FGF1: variants seen among roughly 807,000 people sequenced by gnomAD.
The protein encoded by FGF1 is beta-endothelial cell growth factor.
Under a neutral mutation model 13.4 loss-of-function variants are expected in FGF1, and 9 were observed. The observed-to-expected ratio is 0.67, with a 90% CI of 0.40 to 1.17. The LOEUF is 1.17. Among genes scored for constraint, FGF1 ranks in the 50% most tolerant of loss-of-function variants. FGF1 has a pLI of 0.01. For synonymous variants in FGF1, 93 were observed against 79.0 expected (o/e 1.18, Z -0.94); for missense variants, 156 against 192.7 (o/e 0.81, Z 1.13).
chr5:142,592,405 T>A lies in FGF1; in HGVS notation c.*2885A>T, dbSNP rs962238594. 17 of 398,460 alleles carry A rather than the reference T, an allele frequency of 4.3e-5. No homozygotes were observed. Among genetic ancestry groups the A allele is most frequent in the African/African-American group, 3.5e-4 (17 of 48,624 alleles). 24.7% of individuals were successfully genotyped at this position (398,460 alleles called of 1,614,324 possible). A position where few individuals can be genotyped will look rare whatever the true frequency, so the allele number is the denominator to read the frequency against. On this transcript the variant is annotated 3_prime_UTR_variant, in exon 4 of 4. Coordinates refer to ENST00000337706, the MANE Select transcript of FGF1 (RefSeq NM_000800.5). Reference sequence around the variant, plus strand: ...AGCTGATGCTCCAATCAGTTTTTTGTTCATACACACTGTTGGCCATTGTGA... The same window carrying A: ...AGCTGATGCTCCAATCAGTTTTTTGATCATACACACTGTTGGCCATTGTGA...
intron 1 of FGF1, among the ~76,000 whole-genome samples, chr5:142,672,651 C>T (rs896936287): frequency 5.3e-5 from 8 of 151,958 alleles, no homozygotes; most frequent in South Asian, 2.1e-4. Flanking sequence ...ATTACAGGCA[C>T]GCACCACCAT....
intron 2 of FGF1, among the ~76,000 whole-genome samples, chr5:142,694,123 CT>C (rs1175521046): frequency 6.6e-6 from 1 of 150,704 alleles, no homozygotes; most frequent in Admixed American, 6.6e-5. Flanking sequence ...ATCTATCTAT[CT>C]ATCTATCTAT....
chr5:142,628,082 GGACAT>G lies in FGF1; in HGVS notation c.-34-13926_-34-13922del, dbSNP rs1561601805. On this transcript the variant is annotated intron_variant, in intron 1 of 3. Transcript: ENST00000337706. ...CAAGAGAACATCACCAAAGGCCCCA[GGACAT>G]GACTGGTGTCTGATAAGGGAGGAAA... Among the ~76,000 whole-genome samples, 4 of 152,298 alleles carry G rather than the reference GGACAT, an allele frequency of 2.6e-5. No individual in the cohort carries two copies. The South Asian group carries it at 8.3e-4, about 32-fold the overall frequency.
At chr5:142,630,463 G>A (rs1052130017) in intron 1 of FGF1, among the ~76,000 whole-genome samples, 10 of 152,070 alleles carry the variant, frequency 6.6e-5, no homozygotes, top group Admixed American at 2.0e-4. Flanking sequence ...TACACATAGA[G>A]CCAGAGAGAT....
intron 1 of FGF1, among the ~76,000 whole-genome samples, chr5:142,682,427 A>AATT (rs1773884382): frequency 6.6e-6 from 1 of 152,144 alleles, no homozygotes; most frequent in African/African-American, 2.4e-5. Flanking sequence ...TAATAATAAT[A>AATT]ATAGCAAATA....
upstream of FGF1, among the ~76,000 whole-genome samples, chr5:142,688,949 T>A (rs906557016): frequency 1.3e-5 from 2 of 152,250 alleles, no homozygotes; most frequent in African/African-American, 2.4e-5. Flanking sequence ...TTGTGCTCAG[T>A]GTCTCTGAAA....
chr5:142,595,340 A>G lies in FGF1; in HGVS notation c.418T>C (p.Tyr140His). The stretch of plus-strand genomic sequence containing the variant: ...AGAAACAAGATTGCTTTCTGGCCAT[A>G]GTGAGTCCGAGGACCGCGTTTGCAG... ...GSCKRGPRTH[Y>H]GQKAILFLPL... Residue 140 changes from tyrosine to histidine, a missense_variant, in exon 4 of 4, where the codon TAT becomes CAT. By Grantham distance (83) the Tyr-to-His change is moderately conservative. Transcript: ENST00000337706. 1 of 1,614,088 alleles carries G rather than the reference A, an allele frequency of 6.2e-7. No homozygotes were observed. The highest frequency in any genetic ancestry group is 8.5e-7 in the Non-Finnish European group (1 of 1,179,940).
intron 3 of FGF1, among the ~76,000 whole-genome samples, chr5:142,598,610 T>TA (rs1353037362): frequency 6.6e-6 from 1 of 151,882 alleles, no homozygotes; most frequent in South Asian, 2.1e-4. Context: ...CTTTCAAACT[T>TA]AAAAAAAATA....
intron 2 of FGF1, among the ~76,000 whole-genome samples, chr5:142,602,694 C>T (rs1485855392): frequency 2.0e-5 from 3 of 151,912 alleles, no homozygotes; most frequent in Non-Finnish European, 4.4e-5. Flanking sequence ...TGGTAATGTA[C>T]TGAGCACACA....
chr5:142,655,369 G>C (rs971720655), intron 1 of FGF1, among the ~76,000 whole-genome samples: 21 of 152,248 alleles, frequency 1.4e-4, no homozygotes, highest in African/African-American at 5.1e-4. Context: ...CCACACCATA[G>C]GTACTCAGCA....
chr5:142,643,246 A>G (rs570291836), intron 1 of FGF1, among the ~76,000 whole-genome samples: 30 of 152,218 alleles, frequency 2.0e-4, no homozygotes, highest in Middle Eastern at 3.4e-3. Flanking sequence ...AAGAACTGTA[A>G]TTTAAAAGAC....
At chr5:142,676,919 A>AAAC (rs58320203) in intron 1 of FGF1, among the ~76,000 whole-genome samples, 40,540 of 151,564 alleles carry the variant, frequency 0.27, 5,965 homozygotes, top group African/African-American at 0.4. Context: ...ACAAAAAACA[A>AAAC]AACAACAACA....
chr5:142,606,262 TA>T (rs1757668520), intron 2 of FGF1, among the ~76,000 whole-genome samples: 2 of 147,600 alleles, frequency 1.4e-5, no homozygotes, highest in South Asian at 4.2e-4. Flanking sequence ...TTTTTTTTTT[TA>T]ATCCCCTTTC....
chr5:142,600,392 GGAATGAAT>G (rs898305039), intron 3 of FGF1, among the ~76,000 whole-genome samples: 1 of 151,854 alleles, frequency 6.6e-6, no homozygotes, highest in Admixed American at 6.6e-5. Flanking sequence ...AAACATTTTT[GGAATGAAT>G]GAATGAATGA....
intron 1 of FGF1, among the ~76,000 whole-genome samples, chr5:142,637,169 C>T (rs913579875): frequency 2.6e-5 from 4 of 151,866 alleles, no homozygotes; most frequent in East Asian, 1.9e-4. Flanking sequence ...ATTTAGCCAG[C>T]GCACGGTACT....
At chr5:142,627,210 A>G (rs1762600600) in intron 1 of FGF1, 1 of 152,212 alleles carries the variant, frequency 6.6e-6, no homozygotes, top group Admixed American at 6.5e-5. Context: ...TGTAGACACT[A>G]TATGAGGTAC....
chr5:142,623,941 C>T (rs1762057828), intron 1 of FGF1, among the ~76,000 whole-genome samples: 1 of 151,570 alleles, frequency 6.6e-6, no homozygotes, highest in Non-Finnish European at 1.5e-5. Flanking sequence ...TTGTTTGAGA[C>T]AGAGTTTCGC....
chr5:142,661,809 C>A (rs371022907), intron 1 of FGF1, among the ~76,000 whole-genome samples: 1 of 152,138 alleles, frequency 6.6e-6, no homozygotes, highest in African/African-American at 2.4e-5. Context: ...TGAGACCATC[C>A]TGGCTAACAC....
chr5:142,634,792 G>A (rs1042954409), intron 1 of FGF1, among the ~76,000 whole-genome samples: 7 of 152,086 alleles, frequency 4.6e-5, no homozygotes, highest in Admixed American at 1.3e-4. Context: ...TAATGGTACT[G>A]TTTGACTTTC....
Sources: gnomAD v4.1 joint callset for allele counts (sites outside exome capture counted in the v4.1 genomes callset) on GRCh38, gnomAD v4.1.1 for gene constraint, MANE v1.5 for transcripts, NCBI Gene and HGNC (gene_info 2026-07-23, HGNC 2026-07-21) for gene names.